The following NR1H4 variants were observed in gnomAD, a reference collection of about 807,000 sequenced individuals.
The protein encoded by NR1H4 is nuclear receptor subfamily 1 group H member 4.
NR1H4 carries 23 observed loss-of-function variants against 58.5 expected under a neutral mutation model. The ratio of observed to expected loss-of-function variants is 0.39; its 90% CI spans 0.28 to 0.56. The LOEUF is 0.56. Among genes scored for constraint, NR1H4 ranks in the 20% least tolerant of loss-of-function variants. The pLI is 0.58. For synonymous variants in NR1H4, 214 were observed against 198.0 expected, an observed-to-expected ratio of 1.08 and a Z score of -0.68; for missense variants, 487 against 576.9, an observed-to-expected ratio of 0.84 and a Z score of 1.60.
intron 9 of NR1H4, among the ~76,000 whole-genome samples, chr12:100,559,319 A>G (rs1288930239): frequency 6.6e-6 from 1 of 152,158 alleles, no homozygotes; most frequent in African/African-American, 2.4e-5. Flanking sequence ...GCACTGTGGG[A>G]GCCCCTTTCA....
intron 1 of NR1H4, among the ~76,000 whole-genome samples, chr12:100,487,600 T>C (rs1007776976): frequency 2.7e-5 from 4 of 145,838 alleles, no homozygotes; most frequent in Non-Finnish European, 6.1e-5. Context: ...TTCTTCTTTT[T>C]TTTTTTTTTT....
chr12:100,498,752 T>G (rs7968366), intron 3 of NR1H4, among the ~76,000 whole-genome samples: 27,437 of 152,148 alleles, frequency 0.18, 5,354 homozygotes, highest in African/African-American at 0.46. Flanking sequence ...CTTGTATTGC[T>G]TTTATTATTG....
At chr12:100,522,701 A>C (rs1470729857) in intron 4 of NR1H4, among the ~76,000 whole-genome samples, 1 of 151,958 alleles carries the variant, frequency 6.6e-6, no homozygotes, top group African/African-American at 2.4e-5. Context: ...TTTATCCCAC[A>C]CTTTTCTCCC....
intron 1 of NR1H4, among the ~76,000 whole-genome samples, chr12:100,488,105 A>C (rs1445518339): frequency 6.6e-6 from 1 of 151,946 alleles, no homozygotes; most frequent in East Asian, 1.9e-4. Flanking sequence ...AGTTCAAGTG[A>C]TTCTCCTGCC....
chr12:100,502,267 T>C (rs1265827859), intron 3 of NR1H4, among the ~76,000 whole-genome samples: 5 of 152,212 alleles, frequency 3.3e-5, no homozygotes, highest in Non-Finnish European at 5.9e-5. Flanking sequence ...TGTATTAGTT[T>C]GCTGGGTCTG....
intron 8 of NR1H4, among the ~76,000 whole-genome samples, chr12:100,540,447 A>G (rs1199804407): frequency 1.3e-5 from 2 of 152,168 alleles, no homozygotes; most frequent in Non-Finnish European, 2.9e-5. Flanking sequence ...TAATATATGT[A>G]TCTACTTGGA....
intron 5 of NR1H4, 88 bp from the exon 6 acceptor site, chr12:100,534,802 T>C (rs1954776733): frequency 5.4e-6 from 8 of 1,486,734 alleles, no homozygotes; most frequent in Non-Finnish European, 6.6e-6. Flanking sequence ...GGGGATCTTC[T>C]GGGCCAGGTA....
chr12:100,474,628 T>G (rs1032909480), intron 1 of NR1H4, among the ~76,000 whole-genome samples: 2 of 152,216 alleles, frequency 1.3e-5, no homozygotes, highest in African/African-American at 4.8e-5. Context: ...GATGGAAATA[T>G]TTTTAAAAGA....
intron 8 of NR1H4, among the ~76,000 whole-genome samples, chr12:100,537,713 T>C (rs749114259): frequency 2.6e-5 from 4 of 152,140 alleles, no homozygotes; most frequent in Non-Finnish European, 5.9e-5. Context: ...TGTTTTTTTG[T>C]TTTTGTTTTG....
intron 4 of NR1H4, among the ~76,000 whole-genome samples, chr12:100,521,649 G>C (rs1265266278): frequency 6.6e-6 from 1 of 152,144 alleles, no homozygotes; most frequent in Admixed American, 6.5e-5. Context: ...GTAGGATTGT[G>C]AACCAGCATT....
chr12:100,534,090 G>A (rs1002033813), intron 5 of NR1H4, among the ~76,000 whole-genome samples: 4 of 151,492 alleles, frequency 2.6e-5, no homozygotes, highest in Non-Finnish European at 5.9e-5. Flanking sequence ...TAGAGACGGG[G>A]TTTCACCTTG....
At chr12:100,541,949 C>G (rs1406627594) in intron 9 of NR1H4, among the ~76,000 whole-genome samples, 1 of 152,108 alleles carries the variant, frequency 6.6e-6, no homozygotes, top group African/African-American at 2.4e-5. Context: ...CTCAAATATT[C>G]TATGAATAAA....
At chr12:100,474,518 C>T (rs1953226642) in intron 1 of NR1H4, among the ~76,000 whole-genome samples, 1 of 152,052 alleles carries the variant, frequency 6.6e-6, no homozygotes, top group South Asian at 2.1e-4. Context: ...GAAATTTTTC[C>T]CTAGAAGAAG....
At chr12:100,482,561 T>A (rs1228181709) in intron 1 of NR1H4, among the ~76,000 whole-genome samples, 1 of 152,198 alleles carries the variant, frequency 6.6e-6, no homozygotes, top group African/African-American at 2.4e-5. Flanking sequence ...ATGTAATCTC[T>A]CCTAGAGCTG....
chr12:100,522,190 GTGA>G (rs551323601), intron 4 of NR1H4, among the ~76,000 whole-genome samples: 35 of 152,030 alleles, frequency 2.3e-4, no homozygotes, highest in African/African-American at 5.1e-4. Context: ...GATGGTGATG[GTGA>G]TGATGATGGT....
At chr12:100,492,417 A>T (rs1593046924) in intron 1 of NR1H4, 86 bp from the exon 2 acceptor site, 1 of 152,240 alleles carries the variant, frequency 6.6e-6, no homozygotes, top group East Asian at 1.9e-4. Context: ...TTTGAAAATC[A>T]TCCTCAGAAA....
At chr12:100,530,429 A>G (rs1954663947) in intron 4 of NR1H4, among the ~76,000 whole-genome samples, 1 of 152,276 alleles carries the variant, frequency 6.6e-6, no homozygotes, top group Non-Finnish European at 1.5e-5. Flanking sequence ...TAGGTGCTTA[A>G]TAAATGTTAG....
At chr12:100,520,075 A>G (rs1954374605) in intron 4 of NR1H4, among the ~76,000 whole-genome samples, 1 of 152,156 alleles carries the variant, frequency 6.6e-6, no homozygotes, top group African/African-American at 2.4e-5. Flanking sequence ...TCAGAGGACC[A>G]ATGCCTCATG....
chr12:100,503,566 G>C, intron 3 of NR1H4: 1 of 1,417,814 alleles, frequency 7.1e-7, no homozygotes, highest in East Asian at 2.5e-5. Flanking sequence ...TGGGGACTTT[G>C]GTTGGAGATG....
Sources: allele counts gnomAD v4.1 joint callset (sites outside exome capture counted in the v4.1 genomes callset), GRCh38; gene constraint gnomAD v4.1.1; transcripts MANE v1.5; gene names NCBI Gene and HGNC (gene_info 2026-07-23, HGNC 2026-07-21).